The following ADARB2 variants were observed in gnomAD, a reference collection of about 807,000 sequenced individuals.
The protein encoded by ADARB2 is adenosine deaminase RNA specific B2 (inactive).
In ADARB2, 25 loss-of-function variants were observed where a neutral mutation model predicts 62.2. The observed-to-expected ratio is 0.40, with a 90% CI of 0.29 to 0.56. The LOEUF (loss-of-function observed/expected upper bound fraction) is 0.56, where lower values mean the gene tolerates loss of function less well. ADARB2 is among the 20% of genes least tolerant of loss of function. ADARB2 has a pLI of 0.43. For missense variants in ADARB2, 1,071 were observed against 1,077.4 expected, an observed-to-expected ratio of 0.99 and a Z score of 0.08; for synonymous variants, 572 against 500.8, an observed-to-expected ratio of 1.14 and a Z score of -1.90.
chr10:1,639,546 T>C (rs1215152852), intron 1 of ADARB2, among the ~76,000 whole-genome samples: 1 of 152,198 alleles, frequency 6.6e-6, no homozygotes, highest in African/African-American at 2.4e-5. Flanking sequence ...CTTCCCGTTC[T>C]TATAAAACAC....
At position 1,709,127 on chromosome 10, in the gene ADARB2, T is replaced by G. The variant is rs192610185; in HGVS notation, c.100+27924A>C. Among the ~76,000 whole-genome samples the G allele has an allele frequency of 2.0e-5, 3 of 152,218 alleles. No individual in the cohort carries two copies. In the East Asian group the frequency reaches 5.8e-4, roughly 29 times the overall value. On this transcript the variant is annotated intron_variant, in intron 1 of 9. Transcript: ENST00000381312. ...ATTTCCTGCTCTAGTGCTGAATGAG[T>G]CTCTCTATGGAAGTCGCTAAGTGGA...
intron 3 of ADARB2, among the ~76,000 whole-genome samples, chr10:1,293,228 G>GGGGGAGAGGGACAGAGGGAGTGAA (rs1554752375): frequency 9.2e-6 from 1 of 108,450 alleles, no homozygotes; most frequent in Non-Finnish European, 1.9e-5. Context: ...GAGAGGGACG[G>GGGGGAGAGGGACAGAGGGAGTGAA]GGAGGGAGAG....
chr10:1,726,264 G>A (rs979165782), intron 1 of ADARB2, among the ~76,000 whole-genome samples: 4 of 152,198 alleles, frequency 2.6e-5, no homozygotes, highest in African/African-American at 4.8e-5. Flanking sequence ...AGGAACAGAC[G>A]ATAGATTGTT....
intron 1 of ADARB2, among the ~76,000 whole-genome samples, chr10:1,575,039 T>C (rs11250638): frequency 1.3e-4 from 20 of 150,740 alleles, no homozygotes; most frequent in South Asian, 6.3e-4. Context: ...GGCTGCAACA[T>C]TGTAATAGGT....
At chr10:1,293,989 G>A (rs1831501538) in intron 3 of ADARB2, among the ~76,000 whole-genome samples, 2 of 151,946 alleles carry the variant, frequency 1.3e-5, no homozygotes, top group African/African-American at 4.8e-5. Context: ...GGGGCATGGG[G>A]GAGCTGTTGG....
At chr10:1,522,177 T>C (rs538920029) in intron 1 of ADARB2, among the ~76,000 whole-genome samples, 3 of 152,272 alleles carry the variant, frequency 2.0e-5, no homozygotes, top group South Asian at 2.1e-4. Context: ...TTTGTGATAT[T>C]GTCAGAGTTG....
chr10:1,433,675 G>C (rs1588256155), intron 1 of ADARB2, among the ~76,000 whole-genome samples: 2 of 152,140 alleles, frequency 1.3e-5, no homozygotes, highest in Non-Finnish European at 2.9e-5. Flanking sequence ...CACCAACCCT[G>C]AGTTGGGATG....
intron 1 of ADARB2, among the ~76,000 whole-genome samples, chr10:1,642,011 TA>T (rs11353381): frequency 0.5 from 75,684 of 151,132 alleles, 20,895 homozygotes; most frequent in East Asian, 0.69. Context: ...AGACTCCATT[TA>T]AAAAAAAAAG....
intron 3 of ADARB2, among the ~76,000 whole-genome samples, chr10:1,307,801 A>G (rs1278091399): frequency 1.8e-5 from 2 of 111,194 alleles, no homozygotes; most frequent in East Asian, 8.9e-4. Flanking sequence ...GAAATTGGAA[A>G]TCATCATTCT....
chr10:1,205,569 C>T (rs568246829), intron 7 of ADARB2, among the ~76,000 whole-genome samples: 3 of 152,358 alleles, frequency 2.0e-5, no homozygotes, highest in African/African-American at 7.2e-5. Flanking sequence ...CTCTGCGGTC[C>T]GAATGCTTGT....
chr10:1,476,100 A>C (rs1440245389), intron 1 of ADARB2, among the ~76,000 whole-genome samples: 1 of 152,238 alleles, frequency 6.6e-6, no homozygotes, highest in Non-Finnish European at 1.5e-5. Flanking sequence ...AAAGCTCTGC[A>C]GAAGTAAAAC....
intron 1 of ADARB2, among the ~76,000 whole-genome samples, chr10:1,587,683 T>C (rs1833198089): frequency 6.6e-6 from 1 of 152,216 alleles, no homozygotes; most frequent in South Asian, 2.1e-4. Flanking sequence ...TTTTCTGTGC[T>C]AAACAATTGA....
In ADARB2 at chr10:1,588,720, G is replaced by A. The variant is rs117725239; in HGVS notation, c.100+148331C>T. On this transcript the variant is annotated intron_variant, in intron 1 of 9. Coordinates refer to ENST00000381312, the MANE Select transcript of ADARB2 (RefSeq NM_018702.4). The stretch of plus-strand genomic sequence containing the variant: ...GAAGACAGCCCGACCCTGGATGGAC[G>A]CCAGCCCCTGCCTTGGGGTTCACAC... 1.9e-3 allele frequency among the ~76,000 whole-genome samples: 282 copies of A among 152,326 alleles called. 6 individuals are homozygous for A. The East Asian group carries it at 0.051, about 28-fold the overall frequency.
rs558581211 is a variant in ADARB2, at chr10:1,468,776, A to G, written c.101-89616T>C. Among the ~76,000 whole-genome samples the G allele has an allele frequency of 8.5e-5, 13 of 152,336 alleles. No individual in the cohort carries two copies. In the South Asian group the frequency reaches 2.7e-3, roughly 32 times the overall value. ...CGCCTGCGGAAGCGACGGGGCGTGCATGGCAAAGCTGCCACGGAACAGGTG... is the reference window on the plus strand; with the variant it reads ...CGCCTGCGGAAGCGACGGGGCGTGCGTGGCAAAGCTGCCACGGAACAGGTG... On this transcript the variant is annotated intron_variant, in intron 1 of 9. Transcript: ENST00000381312.
At chr10:1,568,701 G>A (rs927789929) in intron 1 of ADARB2, among the ~76,000 whole-genome samples, 3 of 152,092 alleles carry the variant, frequency 2.0e-5, no homozygotes, top group African/African-American at 7.2e-5. Flanking sequence ...CAGGCCCTTG[G>A]ACAGGTAAGC....
intron 8 of ADARB2, among the ~76,000 whole-genome samples, chr10:1,188,855 C>G (rs1836799395): frequency 6.6e-6 from 1 of 152,226 alleles, no homozygotes; most frequent in African/African-American, 2.4e-5. Context: ...TGGAACAGAT[C>G]CCTTATGGTG....
At chr10:1,503,733 C>T (rs1042737273) in intron 1 of ADARB2, among the ~76,000 whole-genome samples, 1 of 152,092 alleles carries the variant, frequency 6.6e-6, no homozygotes, top group Non-Finnish European at 1.5e-5. Flanking sequence ...CCTCTTGGTG[C>T]TGACCTCGTG....
chr10:1,364,794 C>T (rs1256896252), intron 2 of ADARB2, among the ~76,000 whole-genome samples: 1 of 152,156 alleles, frequency 6.6e-6, no homozygotes, highest in African/African-American at 2.4e-5. Context: ...TTGTGGCAAC[C>T]CTGAGTTGAG....
chr10:1,242,353 C>G, intron 4 of ADARB2, 54 bp from the exon 5 acceptor site: 1 of 1,492,954 alleles, frequency 6.7e-7, no homozygotes, highest in Non-Finnish European at 9.0e-7. Flanking sequence ...CGTCTCCCTC[C>G]TCCTCGGTCT....
Sources: gnomAD v4.1 joint callset for allele counts (sites outside exome capture counted in the v4.1 genomes callset) on GRCh38, gnomAD v4.1.1 for gene constraint, MANE v1.5 for transcripts, NCBI Gene and HGNC (gene_info 2026-07-23, HGNC 2026-07-21) for gene names.